COL19A1: variants seen among roughly 807,000 people sequenced by gnomAD.
COL19A1 encodes collagen alpha-1(XIX) chain.
In COL19A1, 159 loss-of-function variants were observed where a neutral mutation model predicts 190.2. The observed-to-expected ratio is 0.84, with a 90% confidence interval of 0.73 to 0.95. COL19A1 has a LOEUF of 0.95. Ranked by LOEUF, COL19A1 falls within the 40% of genes least tolerant of loss-of-function variation. The pLI is 0.00. For synonymous variants in COL19A1, 509 were observed against 458.9 expected, an observed-to-expected ratio of 1.11 and a Z score of -1.39; for missense variants, 1,418 against 1,431.9, an observed-to-expected ratio of 0.99 and a Z score of 0.16.
intron 2 of COL19A1, among the ~76,000 whole-genome samples, chr6:69,896,543 C>CAAAAAAAAAAAAAAAAAAAA (rs61409385): frequency 5.6e-5 from 4 of 71,674 alleles, no homozygotes; most frequent in African/African-American, 2.4e-4. Flanking sequence ...GACTCCGTCT[C>CAAAAAAAAAAAAAAAAAAAA]AAAAAAAAAA....
chr6:69,929,765 A>G (rs1772634337), intron 6 of COL19A1, 65 bp downstream of exon 6: 1 of 1,445,436 alleles, frequency 6.9e-7, no homozygotes. Flanking sequence ...ATCTTATTAA[A>G]AACATTCTTC....
intron 9 of COL19A1, among the ~76,000 whole-genome samples, chr6:69,940,288 T>C (rs1773390025): frequency 6.6e-6 from 1 of 152,106 alleles, no homozygotes; most frequent in Non-Finnish European, 1.5e-5. Flanking sequence ...TCTTTATTCA[T>C]TCATCCATCA....
chr6:70,079,231 A>G (rs1041020474), intron 15 of COL19A1, among the ~76,000 whole-genome samples: 25 of 152,358 alleles, frequency 1.6e-4, no homozygotes, highest in Middle Eastern at 3.4e-3. Context: ...CAAGTCTGAA[A>G]TGATAGTGCC....
intron 34 of COL19A1, among the ~76,000 whole-genome samples, chr6:70,160,964 CAAT>C (rs1583056336): frequency 1.3e-5 from 2 of 152,014 alleles, no homozygotes; most frequent in East Asian, 3.9e-4. Context: ...ATTTATCTAA[CAAT>C]ATTCTGTTGT....
At chr6:70,110,448 T>A (rs1338564327) in intron 16 of COL19A1, among the ~76,000 whole-genome samples, 1 of 152,164 alleles carries the variant, frequency 6.6e-6, no homozygotes, top group African/African-American at 2.4e-5. Context: ...AAAAGTAAGA[T>A]GACACTTTCT....
chr6:70,060,334 G>T (rs1366705202), intron 14 of COL19A1, among the ~76,000 whole-genome samples: 1 of 152,110 alleles, frequency 6.6e-6, no homozygotes. Flanking sequence ...CCTTCTATAA[G>T]TATTGTAGAG....
intron 2 of COL19A1, among the ~76,000 whole-genome samples, chr6:69,882,626 A>G (rs1311866757): frequency 6.6e-6 from 1 of 152,238 alleles, no homozygotes; most frequent in Non-Finnish European, 1.5e-5. Context: ...GGCTAAATAA[A>G]TAGAAATGAC....
intron 15 of COL19A1, among the ~76,000 whole-genome samples, chr6:70,070,428 A>C (rs1164258343): frequency 6.6e-6 from 1 of 152,128 alleles, no homozygotes; most frequent in East Asian, 1.9e-4. Flanking sequence ...GTCAGAAACT[A>C]AAAAATGTAA....
At chr6:70,158,709 ATAT>A (rs1787592009) in intron 34 of COL19A1, among the ~76,000 whole-genome samples, 2 of 152,066 alleles carry the variant, frequency 1.3e-5, no homozygotes, top group Admixed American at 1.3e-4. Context: ...CATCAGCCAG[ATAT>A]TATAGCAACA....
At chr6:70,202,171 G>A (rs1767592138) in intron 49 of COL19A1, among the ~76,000 whole-genome samples, 2 of 152,198 alleles carry the variant, frequency 1.3e-5, no homozygotes, top group South Asian at 4.1e-4. Flanking sequence ...GATGGCTTCT[G>A]AATGTGACAC....
At chr6:70,001,996 G>A (rs954918403) in intron 11 of COL19A1, among the ~76,000 whole-genome samples, 1 of 152,156 alleles carries the variant, frequency 6.6e-6, no homozygotes, top group Admixed American at 6.5e-5. Flanking sequence ...GATATTGGAT[G>A]TGGGTTTATC....
At position 70,190,579 on chromosome 6, in the gene COL19A1, CT is replaced by C. The variant is rs565059172; in HGVS notation, c.3094+201del. ...TTAACTTTTGCCTCCCTGGAACTTC[CT>C]TTCATTATACCTGGTCTGTAAAACA... On this transcript the variant is annotated intron_variant, in intron 48 of 50. Coordinates refer to ENST00000620364, the MANE Select transcript of COL19A1 (RefSeq NM_001858.6). Among the ~76,000 whole-genome samples the C allele has an allele frequency of 1.4e-4, 21 of 152,316 alleles. No individual in the cohort carries two copies. The South Asian group carries it at 3.7e-3, about 27-fold the overall frequency.
intron 11 of COL19A1, among the ~76,000 whole-genome samples, chr6:69,966,318 G>C (rs1775099874): frequency 2.6e-5 from 4 of 152,188 alleles, no homozygotes; most frequent in Admixed American, 2.6e-4. Flanking sequence ...TGGCGGTTTT[G>C]TGAAATAGAA....
intron 23 of COL19A1, among the ~76,000 whole-genome samples, 163 bp downstream of exon 23, chr6:70,142,983 G>T (rs557917548): frequency 6.6e-6 from 1 of 152,080 alleles, no homozygotes; most frequent in Non-Finnish European, 1.5e-5. Context: ...GGAGCTATTG[G>T]GAAGACTAGA....
chr6:69,955,568 A>AGTGTGT (rs1582514913), intron 9 of COL19A1, among the ~76,000 whole-genome samples: 41 of 120,624 alleles, frequency 3.4e-4, no homozygotes, highest in African/African-American at 1.4e-3. Context: ...TGTGTGTGTA[A>AGTGTGT]GAGAGAGAAA....
chr6:69,966,381 G>T (rs1775104658), intron 11 of COL19A1, among the ~76,000 whole-genome samples: 1 of 152,232 alleles, frequency 6.6e-6, no homozygotes, highest in South Asian at 2.1e-4. Context: ...CTGTGTCTGT[G>T]TAGAAAGAAG....
chr6:69,867,236 G>T (rs1231061598), intron 1 of COL19A1, among the ~76,000 whole-genome samples: 1 of 152,136 alleles, frequency 6.6e-6, no homozygotes, highest in Non-Finnish European at 1.5e-5. Context: ...TCCCAAGTGC[G>T]GCTTCTGGGG....
rs1009042512 is a variant in COL19A1, at chr6:70,054,910, A to G, written c.1171-13513A>G. 5.9e-5 allele frequency among the ~76,000 whole-genome samples: 9 copies of G among 152,326 alleles called. No individual in the cohort carries two copies. In the South Asian group the frequency reaches 6.2e-4, roughly 11 times the overall value. On this transcript the variant is annotated intron_variant, in intron 14 of 50. Transcript: ENST00000620364. ...TTAAACTGGAGGTATAAATAGAAAAAAGATAGTATATTTTACTGCATGAGC... is the reference window on the plus strand; with the variant it reads ...TTAAACTGGAGGTATAAATAGAAAAGAGATAGTATATTTTACTGCATGAGC...
rs1350068271 is a variant in COL19A1 at position 70,140,953 on chromosome 6, G to C, written c.1447-1G>C. ...TTCTATTTTCTACCCCTTCTCCTTAGGGAGAGCCTTTTACAAAAGGAGAAA... is the reference window on the plus strand; with the variant it reads ...TTCTATTTTCTACCCCTTCTCCTTACGGAGAGCCTTTTACAAAAGGAGAAA... On this transcript the variant is annotated splice_acceptor_variant, in intron 19 of 50. Transcript: ENST00000620364. LOFTEE classifies it high-confidence loss of function. 6.2e-7 allele frequency: 1 copy of C among 1,610,486 alleles called. No homozygotes were observed. Among genetic ancestry groups the C allele is most frequent in the East Asian group, 2.2e-5 (1 of 44,778 alleles).
Sources: allele counts gnomAD v4.1 joint callset (sites outside exome capture counted in the v4.1 genomes callset), GRCh38; gene constraint gnomAD v4.1.1; transcripts MANE v1.5; gene names NCBI Gene and HGNC (gene_info 2026-07-23, HGNC 2026-07-21).